Variants in GPRIN2 observed in about 807,000 individuals in gnomAD.
GPRIN2 encodes the protein G protein regulated inducer of neurite outgrowth 2.
GPRIN2 carries 1 observed loss-of-function variant against 0.3 expected under a neutral mutation model. The ratio of observed to expected loss-of-function variants is 3.90; its 90% CI spans 1.39 to 18.51. GPRIN2 has a LOEUF of 18.51. GPRIN2 is among the 30% of genes most tolerant of loss of function. The probability of loss-of-function intolerance (pLI) is 0.11; values close to 1 mark genes in which losing one functional copy is unlikely to be tolerated. For missense variants in GPRIN2, 880 were observed against 604.2 expected (o/e 1.46, Z -4.79); for synonymous variants, 361 against 258.6 (o/e 1.40, Z -3.80).
chr10:46,556,156 T>G, intron 1 of GPRIN2, among the ~76,000 whole-genome samples: 1 of 152,030 alleles, frequency 6.6e-6, no homozygotes, highest in Non-Finnish European at 1.5e-5. Flanking sequence ...GGGGGCGGGG[T>G]AGGCGGCGCA....
chr10:46,551,988 T>C lies in GPRIN2; in HGVS notation c.-6-1246A>G, dbSNP rs1832150777. The stretch of plus-strand genomic sequence containing the variant: ...TGATGTGTCGTCGGCACTCAGAGGA[T>C]TATCTGCTGTGTGCCTGACCAAGAG... On this transcript the variant is annotated intron_variant, in intron 2 of 2. Coordinates refer to ENST00000374314, the MANE Select transcript of GPRIN2 (RefSeq NM_001385282.1). Among the ~76,000 whole-genome samples the C allele has an allele frequency of 3.9e-5, 6 of 152,422 alleles. No homozygotes were observed. The East Asian group carries it at 1.2e-3, about 29-fold the overall frequency.
chr10:46,556,979 A>ACCCGGC (rs1843318712), upstream of GPRIN2, among the ~76,000 whole-genome samples: 1 of 150,044 alleles, frequency 6.7e-6, no homozygotes, highest in African/African-American at 2.5e-5. Flanking sequence ...CCGGCCCCAG[A>ACCCGGC]CCCAGCCCCT....
At chr10:46,552,740 T>G (rs1842753595) in intron 2 of GPRIN2, among the ~76,000 whole-genome samples, 1 of 152,312 alleles carries the variant, frequency 6.6e-6, no homozygotes, top group Non-Finnish European at 1.5e-5. Flanking sequence ...AAGTTTTATT[T>G]GAATCTAACT....
intron 2 of GPRIN2, among the ~76,000 whole-genome samples, chr10:46,551,185 G>A (rs1832205142): frequency 1.1e-4 from 17 of 152,412 alleles, no homozygotes; most frequent in African/African-American, 3.8e-4. Flanking sequence ...CCTCTTAACG[G>A]GCACAGCTGG....
At position 46,549,712 on chromosome 10, in the gene GPRIN2, A is replaced by C; in HGVS notation, c.1025T>G (p.Val342Gly). The change falls in exon 3 of 3, where the codon GTG becomes GGG. Residue 342 changes from valine to glycine, a missense_variant. Val to Gly is a moderately radical substitution (Grantham distance 109). Coordinates refer to ENST00000374314, the MANE Select transcript of GPRIN2 (RefSeq NM_001385282.1). ...GGTGGCCACAGCCTTGCAGGCCGCCACTGGGGCCGCCTGCACACCAGCATC... is the reference window on the plus strand; with the variant it reads ...GGTGGCCACAGCCTTGCAGGCCGCCCCTGGGGCCGCCTGCACACCAGCATC... ...AQDAGVQAAPVAACKAVATSP... is the reference protein window; with the variant it reads ...AQDAGVQAAPGAACKAVATSP... 6.2e-7 allele frequency: 1 copy of C among 1,614,014 alleles called. No homozygotes were observed. Among genetic ancestry groups the C allele is most frequent in the South Asian group, 1.1e-5 (1 of 91,082 alleles).
At chr10:46,553,590 T>G (rs1276519519) in intron 2 of GPRIN2, among the ~76,000 whole-genome samples, 1 of 152,270 alleles carries the variant, frequency 6.6e-6, no homozygotes, top group African/African-American at 2.4e-5. Context: ...CAAGACCCAC[T>G]GAGAAGCCAT....
intron 2 of GPRIN2, among the ~76,000 whole-genome samples, chr10:46,554,325 C>T (rs1477262602): frequency 6.6e-6 from 1 of 152,310 alleles, no homozygotes; most frequent in Non-Finnish European, 1.5e-5. Flanking sequence ...AGGACCAGGT[C>T]ACCATCAGTG....
rs3127841 is a variant in GPRIN2 at position 46,546,002 on chromosome 10, G to T, written c.*3358C>A. Among the ~76,000 whole-genome samples, 1 of 152,240 alleles carries T rather than the reference G, an allele frequency of 6.6e-6. No homozygotes were observed. Among genetic ancestry groups the T allele is most frequent in the African/African-American group, 2.4e-5 (1 of 41,450 alleles). On this transcript the variant is annotated 3_prime_UTR_variant, in exon 3 of 3. Coordinates refer to ENST00000374314, the MANE Select transcript of GPRIN2 (RefSeq NM_001385282.1). ...CCCAGCCCAAAGTGTTGGGACCTGC[G>T]TGTAGAAGACCCCTTCAGCCCTTGT...
In GPRIN2 at chr10:46,550,630, C is replaced by T. The variant is rs782715729; in HGVS notation, c.107G>A (p.Arg36Lys). The stretch of plus-strand genomic sequence containing the variant: ...GCTGGCAGTCTTGCGGAGCTCTGGC[C>T]TCTGTTCCCGGCCTTCACCCAGCAG... ...SSLLGEGREQ[R>K]PELRKTASST... Residue 36 changes from arginine (R) to lysine (K), a missense_variant, in exon 3 of 3, where the codon AGG (arginine) becomes AAG (lysine). Transcript: ENST00000374314. The T allele has an allele frequency of 1.9e-6, 3 of 1,577,798 alleles. No homozygotes were observed. Among genetic ancestry groups the T allele is most frequent in the South Asian group, 2.4e-5 (2 of 84,368 alleles).
rs1832831024 is a variant in GPRIN2, at chr10:46,547,855, C to T, written c.*1505G>A. On this transcript the variant is annotated 3_prime_UTR_variant, in exon 3 of 3. Transcript: ENST00000374314. Reference sequence around the variant, plus strand: ...ATGTTTACGGGTGAGAATGGTCCATCGTTGGGCTTCAGGAGGCATCTGACC... The same window carrying T: ...ATGTTTACGGGTGAGAATGGTCCATTGTTGGGCTTCAGGAGGCATCTGACC... Among the ~76,000 whole-genome samples, 29 of 152,400 alleles carry T rather than the reference C, an allele frequency of 1.9e-4. No individual in the cohort carries two copies. Among genetic ancestry groups the T allele is most frequent in the African/African-American group, 5.8e-4 (24 of 41,586 alleles).
In GPRIN2 at chr10:46,545,803, T is replaced by A. The variant is rs1318058608; in HGVS notation, c.*3557A>T. ...CAGTGCCAGGCACTACTTGGGTTAT[T>A]CTATTTAATCTCCACACCAAGCATG... On this transcript the variant is annotated 3_prime_UTR_variant, in exon 3 of 3. Transcript: ENST00000374314. 6.6e-6 allele frequency among the ~76,000 whole-genome samples: 1 copy of A among 152,312 alleles called. No homozygotes were observed. The highest frequency in any genetic ancestry group is 1.5e-5 in the Non-Finnish European group (1 of 68,058).
chr10:46,552,882 G>A (rs1832085421), intron 2 of GPRIN2, among the ~76,000 whole-genome samples: 107 of 152,134 alleles, frequency 7.0e-4, no homozygotes, highest in Non-Finnish European at 1.2e-3. Context: ...ATCAGGAAGA[G>A]GAGGAGTAGC....
In GPRIN2 at chr10:46,549,086, T is replaced by TC. The variant is rs1842417891; in HGVS notation, c.*273dup. The stretch of plus-strand genomic sequence containing the variant: ...CATTTTTTACAGAAAACTCAGGATC[T>TC]CCCCTCTGCACAGTGCTAAAGCCCT... On this transcript the variant is annotated 3_prime_UTR_variant, in exon 3 of 3. Coordinates refer to ENST00000374314, the MANE Select transcript of GPRIN2 (RefSeq NM_001385282.1). 2 of 417,740 alleles carry TC rather than the reference T, an allele frequency of 4.8e-6. No individual in the cohort carries two copies. The highest frequency in any genetic ancestry group is 8.6e-6 in the Non-Finnish European group (2 of 231,232). 25.9% of individuals were successfully genotyped at this position (417,740 alleles called of 1,614,324 possible).
rs1832592769 is a variant in GPRIN2, at chr10:46,549,771, C to CA, written c.965dup (p.Leu322PhefsTer66). ...ACAGCGGGGATGCCTCTGCAGGGGC[C>CA]AAGTCATTGGCTGAGGTCATGGTCC... On this transcript the variant is annotated frameshift_variant, in exon 3 of 3. Coordinates refer to ENST00000374314, the MANE Select transcript of GPRIN2 (RefSeq NM_001385282.1). LOFTEE classifies it low-confidence loss of function (END_TRUNC). The CA allele has an allele frequency of 6.2e-7, 1 of 1,614,202 alleles. No individual in the cohort carries two copies. Among genetic ancestry groups the CA allele is most frequent in the African/African-American group, 1.3e-5 (1 of 75,090 alleles).
In GPRIN2 at chr10:46,543,387, T is replaced by C. The variant is rs1841896209; in HGVS notation, c.*5973A>G. 3.9e-5 allele frequency among the ~76,000 whole-genome samples: 6 copies of C among 152,306 alleles called. No individual in the cohort carries two copies. Among genetic ancestry groups the C allele is most frequent in the Admixed American group, 3.9e-4 (6 of 15,292 alleles). On this transcript the variant is annotated 3_prime_UTR_variant, in exon 3 of 3. Transcript: ENST00000374314. ...TGAATAACCCAGAACAAAGAGAACA[T>C]GAAACCACAAAAGAAGAACAGATTA...
At position 46,548,460 on chromosome 10, in the gene GPRIN2, A is replaced by G. The variant is rs916230919; in HGVS notation, c.*900T>C. On this transcript the variant is annotated 3_prime_UTR_variant, in exon 3 of 3. Coordinates refer to ENST00000374314, the MANE Select transcript of GPRIN2 (RefSeq NM_001385282.1). ...CGACAGAATGAGGTGAAAATAGTGCAATTTTAGGCTTTGTAACTGAGATTA... is the reference window on the plus strand; with the variant it reads ...CGACAGAATGAGGTGAAAATAGTGCGATTTTAGGCTTTGTAACTGAGATTA... Among the ~76,000 whole-genome samples the G allele has an allele frequency of 1.3e-5, 2 of 152,304 alleles. No individual in the cohort carries two copies. The highest frequency in any genetic ancestry group is 2.9e-5 in the Non-Finnish European group (2 of 68,056).
rs1832364588 is a variant in GPRIN2 at position 46,550,441 on chromosome 10, G to C, written c.296C>G (p.Ser99Cys). 1 of 1,611,852 alleles carries C rather than the reference G, an allele frequency of 6.2e-7. No individual in the cohort carries two copies. Among genetic ancestry groups the C allele is most frequent in the Non-Finnish European group, 8.5e-7 (1 of 1,179,742 alleles). Residue 99 changes from serine to cysteine, a missense_variant, in exon 3 of 3, where the codon TCC becomes TGC. Coordinates refer to ENST00000374314, the MANE Select transcript of GPRIN2 (RefSeq NM_001385282.1). Reference sequence around the variant, plus strand: ...ACACAGGTCACTGCCGCCCATGGTGGACACATTGCCCACAGTGCTGCTCCA... The same window carrying C: ...ACACAGGTCACTGCCGCCCATGGTGCACACATTGCCCACAGTGCTGCTCCA... ...HWWSSTVGNVSTMGGSDLCRL... is the reference protein window; with the variant it reads ...HWWSSTVGNVCTMGGSDLCRL...
rs1842271796 is a variant in GPRIN2, at chr10:46,547,500, G to A, written c.*1860C>T. Among the ~76,000 whole-genome samples, 1 of 152,310 alleles carries A rather than the reference G, an allele frequency of 6.6e-6. No homozygotes were observed. The highest frequency in any genetic ancestry group is 2.1e-4 in the South Asian group (1 of 4,838). ...AACTCATTATGGCCCAGGCAGGACA[G>A]GCACATCCAAGTATCTGACCAGGCT... On this transcript the variant is annotated 3_prime_UTR_variant, in exon 3 of 3. Transcript: ENST00000374314.
chr10:46,549,257 C>T lies in GPRIN2; in HGVS notation c.*103G>A, dbSNP rs1338287648. On this transcript the variant is annotated 3_prime_UTR_variant, in exon 3 of 3. Coordinates refer to ENST00000374314, the MANE Select transcript of GPRIN2 (RefSeq NM_001385282.1). The stretch of plus-strand genomic sequence containing the variant: ...AGCCAATATTCAGGTGAGAGATGTG[C>T]CCAGCTGCCGGTGGGTCCAGGGGGC... 11 of 1,370,578 alleles carry T rather than the reference C, an allele frequency of 8.0e-6. No homozygotes were observed. Among genetic ancestry groups the T allele is most frequent in the Admixed American group, 6.6e-5 (2 of 30,274 alleles). 84.9% of individuals were successfully genotyped at this position (1,370,578 alleles called of 1,614,324 possible).
Sources: gnomAD v4.1 joint callset for allele counts (sites outside exome capture counted in the v4.1 genomes callset) on GRCh38, gnomAD v4.1.1 for gene constraint, MANE v1.5 for transcripts, NCBI Gene and HGNC (gene_info 2026-07-23, HGNC 2026-07-21) for gene names.